The following IKBIP variants were observed in gnomAD, a reference collection of about 807,000 sequenced individuals.
The protein encoded by IKBIP is IKBKB interacting protein, also known as inhibitor of nuclear factor kappa-B kinase-interacting protein.
A neutral mutation model predicts 31.0 loss-of-function variants in IKBIP; 28 were observed. The ratio of observed to expected loss-of-function variants is 0.90; its 90% CI spans 0.67 to 1.24. The LOEUF (loss-of-function observed/expected upper bound fraction) is 1.24. Ranked by LOEUF, IKBIP falls within the 50% of genes most tolerant of loss-of-function variation. The pLI is 0.00. For synonymous variants in IKBIP, 164 were observed against 160.3 expected, an observed-to-expected ratio of 1.02 and a Z score of -0.17; for missense variants, 453 against 441.9, an observed-to-expected ratio of 1.03 and a Z score of -0.23.
Position 98,634,324 on chromosome 12 carries a change from T to G in IKBIP, c.269A>C (p.Gln90Pro), listed in dbSNP as rs1298924262. The G allele has an allele frequency of 2.5e-6, 4 of 1,586,728 alleles. No individual in the cohort carries two copies. The South Asian group carries it at 4.4e-5, about 18-fold the overall frequency. The part of the protein sequence containing the change: ...KLETNEFQQL[Q>P]SKISLISEKL... ...TTCTGAAATTAAACTGATTTTACTT[T>G]GAAGTTGTTGGAATTCATTGGTTTC... is the stretch of plus-strand genomic sequence containing the variant. Residue 90 changes from glutamine (Q) to proline (P), a missense_variant, in exon 2 of 3, where the codon CAA becomes CCA. Gln to Pro is a moderately conservative substitution (Grantham distance 76). Transcript: ENST00000299157.
chr12:98,626,278 G>A lies in IKBIP; in HGVS notation c.786C>T (p.Tyr262=), dbSNP rs754477471. Residue 262 remains tyrosine (Y), a synonymous_variant, in exon 3 of 3, where the codon TAC becomes TAT. Transcript: ENST00000299157. ...DEDLTNKLSD[Y]EPKVEECKTH... The stretch of plus-strand genomic sequence containing the variant: ...TCTTGCATTCTTCAACTTTGGGTTC[G>A]TAGTCGGAAAGTTTATTAGTCAGAT... 1.2e-5 allele frequency: 20 copies of A among 1,614,044 alleles called. No individual in the cohort carries two copies. The highest frequency in any genetic ancestry group is 3.3e-5 in the South Asian group (3 of 91,090).
chr12:98,631,202 G>T (rs1443411374), intron 2 of IKBIP, among the ~76,000 whole-genome samples: 1 of 151,802 alleles, frequency 6.6e-6, no homozygotes, highest in African/African-American at 2.4e-5. Flanking sequence ...CCAAAGTGCT[G>T]GGATTACAGG....
At chr12:98,623,747 G>T (rs1268523502), downstream of IKBIP, among the ~76,000 whole-genome samples, 3 of 150,628 alleles carry the variant, frequency 2.0e-5, no homozygotes, top group African/African-American at 7.5e-5. Flanking sequence ...CAGTTACAAA[G>T]ATACAAAAAT....
rs1399115057 is a variant in IKBIP, at chr12:98,644,527, CCAGGCCCAGGCACGTCCCCAGCGACAG to C, written c.148_174del (p.Leu50_Leu58del). On this transcript the variant is annotated inframe_deletion, in exon 1 of 3. Transcript: ENST00000299157. ...GGCAGCCTCGCGTCCACTTACCAGG[CCAGGCCCAGGCACGTCCCCAGCGACAG>C]CAGGCTCAGGCACGTTCGGGGGTCT... is the stretch of plus-strand genomic sequence containing the variant. The C allele has an allele frequency of 6.3e-7, 1 of 1,597,638 alleles. No individual in the cohort carries two copies. The highest frequency in any genetic ancestry group is 1.1e-5 in the South Asian group (1 of 89,366).
At chr12:98,637,935 G>A (rs895035940) in intron 1 of IKBIP, among the ~76,000 whole-genome samples, 2 of 152,190 alleles carry the variant, frequency 1.3e-5, no homozygotes, top group African/African-American at 4.8e-5. Context: ...ATCCATGTTA[G>A]GGTATAAGGT....
In IKBIP at chr12:98,633,378, C is replaced by T. The variant is rs192452008; in HGVS notation, c.297+918G>A. 2.8e-3 allele frequency among the ~76,000 whole-genome samples: 430 copies of T among 152,070 alleles called. 5 individuals are homozygous for T. Among genetic ancestry groups the T allele is most frequent in the South Asian group, 7.3e-3 (35 of 4,822 alleles). ...ACATTTCTAAGAATCACAGTAATAA[C>T]GCATCTGGTAGAAATCAGCAACTTG... On this transcript the variant is annotated intron_variant, in intron 2 of 2. Transcript: ENST00000299157.
intron 2 of IKBIP, among the ~76,000 whole-genome samples, chr12:98,632,512 A>AATATATATATATATATATATGTGT (rs2097621580): frequency 4.4e-5 from 1 of 22,792 alleles, no homozygotes; most frequent in African/African-American, 1.7e-4. Flanking sequence ...AAAAAAAAAA[A>AATATATATATATATATATATGTGT]ATATATATAT....
chr12:98,618,417 G>C (rs982279553), intron 2 of IKBIP, among the ~76,000 whole-genome samples: 1 of 151,644 alleles, frequency 6.6e-6, no homozygotes, highest in Admixed American at 6.6e-5. Context: ...ACAAGGTCAA[G>C]AGATCGAGAC....
At chr12:98,628,613 ATATTTGCCTCT>A (rs2097617015) in intron 2 of IKBIP, among the ~76,000 whole-genome samples, 1 of 152,206 alleles carries the variant, frequency 6.6e-6, no homozygotes, top group African/African-American at 2.4e-5. Flanking sequence ...TATTTGCCAC[ATATTTGCCTCT>A]TAGCACATAC....
At position 98,644,652 on chromosome 12, in the gene IKBIP, G is replaced by C. The variant is rs1275317040; in HGVS notation, c.50C>G (p.Ala17Gly). 26 of 1,611,010 alleles carry C rather than the reference G, an allele frequency of 1.6e-5. No homozygotes were observed. Among genetic ancestry groups the C allele is most frequent in the Non-Finnish European group, 2.1e-5 (25 of 1,179,326 alleles). The change falls in exon 1 of 3, where the codon GCT becomes GGT. Residue 17 changes from alanine (A) to glycine (G), a missense_variant. Ala to Gly is a moderately conservative substitution (Grantham distance 60, BLOSUM62 0). Transcript: ENST00000299157. Reference sequence around the variant, plus strand: ...CTCGCTCCGCTTCCCGGGCTCCGCAGCAGGGGCTCCCTTGGGCCCCGACTT... The same window carrying C: ...CTCGCTCCGCTTCCCGGGCTCCGCACCAGGGGCTCCCTTGGGCCCCGACTT... ...RKKSGPKGAP[A>G]AEPGKRSEGG... is the part of the protein sequence containing the mutation.
rs540282597 is a variant in IKBIP, at chr12:98,631,493, C to G, written c.297+2803G>C. On this transcript the variant is annotated intron_variant, in intron 2 of 2. Coordinates refer to ENST00000299157, the MANE Select transcript of IKBIP (RefSeq NM_153687.4). ...ATGGGGTTTCATCATGTTGGCCAGG[C>G]TGGTCTTGAACTCCTGACCTCAGGT... 5.3e-5 allele frequency among the ~76,000 whole-genome samples: 8 copies of G among 150,378 alleles called. No individual in the cohort carries two copies. In the East Asian group the frequency reaches 1.7e-3, roughly 31 times the overall value.
At chr12:98,636,525 C>T (rs773580836) in intron 1 of IKBIP, among the ~76,000 whole-genome samples, 9 of 152,136 alleles carry the variant, frequency 5.9e-5, no homozygotes, top group Non-Finnish European at 1.0e-4. Flanking sequence ...TTAGGCTAAC[C>T]GTAGCTACAA....
chr12:98,621,110 G>A (rs533386087), downstream of IKBIP, among the ~76,000 whole-genome samples: 1 of 152,228 alleles, frequency 6.6e-6, no homozygotes, highest in Admixed American at 6.5e-5. Context: ...TGAGCCGGGT[G>A]TAGTGACAGG....
At chr12:98,614,349 AAATAT>A (rs2097605103) in intron 2 of IKBIP, 3 of 1,419,322 alleles carry the variant, frequency 2.1e-6, no homozygotes, top group Non-Finnish European at 2.9e-6. Flanking sequence ...CACTATAAGA[AAATAT>A]AATATCACAA....
In IKBIP at chr12:98,644,442, G is replaced by A. The variant is rs2097635869; in HGVS notation, c.179+81C>T. 12 of 1,390,318 alleles carry A rather than the reference G, an allele frequency of 8.6e-6. No homozygotes were observed. In the East Asian group the frequency reaches 2.8e-4, roughly 33 times the overall value. The allele number at this position is 1,390,318 out of a possible 1,614,324, so 86.1% of individuals were successfully genotyped here. A position where few individuals can be genotyped will look rare whatever the true frequency, so the allele number is the denominator to read the frequency against. On this transcript the variant is annotated intron_variant, in intron 1 of 2. Coordinates refer to ENST00000299157, the MANE Select transcript of IKBIP (RefSeq NM_153687.4). ...AGGTCTGGGAGGTTGGATCACCTCC[G>A]GCTGGATGTTGAGCCGGGTGGGAGC...
downstream of IKBIP, among the ~76,000 whole-genome samples, chr12:98,623,960 T>C (rs1309668069): frequency 6.6e-6 from 1 of 151,166 alleles, no homozygotes; most frequent in Admixed American, 6.6e-5. Flanking sequence ...AGGATATATC[T>C]ATCTAGATAT....
At chr12:98,613,596 C>A in exon 3 of IKBIP, 2 of 1,484,950 alleles carry the variant, frequency 1.3e-6, no homozygotes, top group South Asian at 2.6e-5. Context: ...TAATTCATAT[C>A]TGAAATGTGT....
intron 1 of IKBIP, among the ~76,000 whole-genome samples, chr12:98,637,721 CT>C (rs2097627102): frequency 1.3e-5 from 2 of 149,124 alleles, no homozygotes; most frequent in South Asian, 2.1e-4. Context: ...TCTTTCTTTC[CT>C]TTTTTTGAGA....
chr12:98,642,581 A>C (rs1211911177), intron 1 of IKBIP, among the ~76,000 whole-genome samples: 3 of 151,530 alleles, frequency 2.0e-5, no homozygotes, highest in Non-Finnish European at 4.4e-5. Flanking sequence ...GTATTAGTAA[A>C]ATAAATAATG....
Sources: gnomAD v4.1 joint callset for allele counts (sites outside exome capture counted in the v4.1 genomes callset) on GRCh38, gnomAD v4.1.1 for gene constraint, MANE v1.5 for transcripts, NCBI Gene and HGNC (gene_info 2026-07-23, HGNC 2026-07-21) for gene names.